KCNN3: variants seen among roughly 807,000 people sequenced by gnomAD.
KCNN3 encodes the protein small conductance calcium-activated potassium channel protein 3.
Under a neutral mutation model 62.9 loss-of-function variants are expected in KCNN3, and 16 were observed. The observed-to-expected ratio is 0.25, with a 90% confidence interval of 0.17 to 0.39. The LOEUF (loss-of-function observed/expected upper bound fraction) is 0.39. Ranked by LOEUF, KCNN3 falls within the 10% of genes least tolerant of loss-of-function variation. The pLI is 1.00. For missense variants in KCNN3, 599 were observed against 949.4 expected, an observed-to-expected ratio of 0.63 and a Z score of 4.85; for synonymous variants, 370 against 389.2, an observed-to-expected ratio of 0.95 and a Z score of 0.58.
chr1:154,854,764 A>G (rs1300553249), intron 1 of KCNN3, among the ~76,000 whole-genome samples: 2 of 152,268 alleles, frequency 1.3e-5, no homozygotes, highest in East Asian at 3.8e-4. Context: ...TTTGTGTCTC[A>G]GTTTTTAACC....
chr1:154,763,788 T>A (rs961625448), intron 3 of KCNN3, among the ~76,000 whole-genome samples: 4 of 152,196 alleles, frequency 2.6e-5, no homozygotes, highest in Non-Finnish European at 5.9e-5. Flanking sequence ...GACCAAGAAG[T>A]TGATCAATTT....
At chr1:154,765,264 C>T (rs780680091) in intron 3 of KCNN3, among the ~76,000 whole-genome samples, 8 of 146,230 alleles carry the variant, frequency 5.5e-5, no homozygotes, top group South Asian at 2.3e-4. Context: ...GTTTACTGTG[C>T]GTATATTTCT....
chr1:154,804,205 G>C (rs1650070633), intron 2 of KCNN3, among the ~76,000 whole-genome samples: 1 of 152,172 alleles, frequency 6.6e-6, no homozygotes, highest in Admixed American at 6.5e-5. Context: ...GCAGGAACTG[G>C]GATGCCACTG....
chr1:154,851,465 A>G (rs1652296674), intron 1 of KCNN3, among the ~76,000 whole-genome samples: 1 of 152,146 alleles, frequency 6.6e-6, no homozygotes, highest in Non-Finnish European at 1.5e-5. Context: ...AAACTTAACG[A>G]GTCCAACCAC....
At chr1:154,863,027 T>C (rs1187865218) in intron 1 of KCNN3, among the ~76,000 whole-genome samples, 1 of 152,174 alleles carries the variant, frequency 6.6e-6, no homozygotes, top group Non-Finnish European at 1.5e-5. Flanking sequence ...GACCTGCTCC[T>C]TGTACTCCCG....
chr1:154,838,675 A>T (rs1651702456), intron 1 of KCNN3, among the ~76,000 whole-genome samples: 1 of 152,118 alleles, frequency 6.6e-6, no homozygotes, highest in Non-Finnish European at 1.5e-5. Context: ...CCTACCCTCC[A>T]GAGCTGCCTC....
chr1:154,744,117 T>C (rs1480816329), intron 3 of KCNN3, among the ~76,000 whole-genome samples: 2 of 152,228 alleles, frequency 1.3e-5, no homozygotes, highest in African/African-American at 4.8e-5. Context: ...GGCCTATTTT[T>C]GTATTTATTG....
At chr1:154,752,269 A>T (rs1272193441) in intron 3 of KCNN3, among the ~76,000 whole-genome samples, 1 of 114,616 alleles carries the variant, frequency 8.7e-6, no homozygotes, top group African/African-American at 3.3e-5. Context: ...GACTTTCAGA[A>T]AACATAATTA....
intron 3 of KCNN3, among the ~76,000 whole-genome samples, chr1:154,762,658 G>A (rs141298585): frequency 6.6e-6 from 1 of 152,168 alleles, no homozygotes; most frequent in Non-Finnish European, 1.5e-5. Flanking sequence ...AAAATTGTGT[G>A]TATGATGTAA....
intron 3 of KCNN3, among the ~76,000 whole-genome samples, chr1:154,744,710 A>C (rs931852981): frequency 5.3e-5 from 8 of 152,216 alleles, no homozygotes; most frequent in Non-Finnish European, 1.0e-4. Context: ...TACCTTCAGC[A>C]TGCTAGGGCA....
chr1:154,722,326 T>C (rs1473970593), intron 5 of KCNN3, among the ~76,000 whole-genome samples: 1 of 152,008 alleles, frequency 6.6e-6, no homozygotes, highest in Non-Finnish European at 1.5e-5. Flanking sequence ...AGTCAACTCC[T>C]TCATGTTGGA....
chr1:154,757,622 C>T (rs981583843), intron 3 of KCNN3, among the ~76,000 whole-genome samples: 1 of 152,206 alleles, frequency 6.6e-6, no homozygotes, highest in African/African-American at 2.4e-5. Flanking sequence ...ATGGGCCACT[C>T]TCAGGCTGCA....
chr1:154,818,589 C>T (rs1650766075), intron 2 of KCNN3, among the ~76,000 whole-genome samples: 1 of 152,234 alleles, frequency 6.6e-6, no homozygotes, highest in Admixed American at 6.5e-5. Flanking sequence ...AAAGAGGCCC[C>T]ATGCAGTGTT....
intron 7 of KCNN3, among the ~76,000 whole-genome samples, chr1:154,711,847 G>A (rs762879800): frequency 8.5e-5 from 13 of 152,172 alleles, no homozygotes; most frequent in Non-Finnish European, 1.9e-4. Flanking sequence ...CTGAATTGGA[G>A]CCTGTTACAG....
At position 154,845,302 on chromosome 1, in the gene KCNN3, A is replaced by C. The variant is rs201011960; in HGVS notation, c.934-23118T>G. 9.9e-5 allele frequency among the ~76,000 whole-genome samples: 15 copies of C among 152,184 alleles called. No homozygotes were observed. The East Asian group carries it at 2.9e-3, about 29-fold the overall frequency. ...CACTGTATCCTGCCAACTCCTCAGC[A>C]TCCAGCCAACACTGTGACAGTGCCA... On this transcript the variant is annotated intron_variant, in intron 1 of 7. Coordinates refer to ENST00000271915, the MANE Select transcript of KCNN3 (RefSeq NM_002249.6).
At chr1:154,716,954 C>T (rs1700245960) in intron 5 of KCNN3, among the ~76,000 whole-genome samples, 1 of 152,220 alleles carries the variant, frequency 6.6e-6, no homozygotes, top group Admixed American at 6.5e-5. Flanking sequence ...TTCAGTTTCC[C>T]TACGCACTTA....
intron 3 of KCNN3, among the ~76,000 whole-genome samples, chr1:154,763,824 A>G (rs1214302843): frequency 6.6e-6 from 1 of 152,236 alleles, no homozygotes; most frequent in East Asian, 1.9e-4. Context: ...GGATGCTTAA[A>G]AAGAAGATGT....
intron 1 of KCNN3, among the ~76,000 whole-genome samples, chr1:154,847,122 C>T (rs942130635): frequency 2.0e-5 from 3 of 152,024 alleles, no homozygotes; most frequent in South Asian, 2.1e-4. Context: ...CTCACTTGTC[C>T]GCCAAGCATC....
At chr1:154,805,234 A>G (rs1436142404) in intron 2 of KCNN3, among the ~76,000 whole-genome samples, 3 of 152,160 alleles carry the variant, frequency 2.0e-5, no homozygotes, top group Non-Finnish European at 2.9e-5. Context: ...TAATCAGACT[A>G]TGGACACAAT....
Sources: allele counts gnomAD v4.1 joint callset (sites outside exome capture counted in the v4.1 genomes callset), GRCh38; gene constraint gnomAD v4.1.1; transcripts MANE v1.5; gene names NCBI Gene and HGNC (gene_info 2026-07-23, HGNC 2026-07-21).